Variants in RBFOX2 observed in about 807,000 individuals in gnomAD.
The protein encoded by RBFOX2 is RNA binding fox-1 homolog 2, also known as RNA binding protein fox-1 homolog 2.
In RBFOX2, 10 loss-of-function variants were observed where a neutral mutation model predicts 49.1. The observed-to-expected ratio is 0.20, with a 90% confidence interval of 0.13 to 0.35. The LOEUF is 0.35. Among genes scored for constraint, RBFOX2 ranks in the 10% least tolerant of loss-of-function variants. The pLI, the probability that RBFOX2 is intolerant of heterozygous loss-of-function variation, is 1.00. For synonymous variants in RBFOX2, 183 were observed against 187.4 expected (o/e 0.98, Z 0.19); for missense variants, 323 against 486.9 (o/e 0.66, Z 3.17).
chr22:35,756,955 A>T lies in RBFOX2; in HGVS notation c.887+2933T>A, dbSNP rs190601691. ...AAGGTGATTGGTCCAAGGTCCAAGA[A>T]TTGAAAGGTGCAGTGGGGATCCCAG... On this transcript the variant is annotated intron_variant, in intron 9 of 11. Transcript: ENST00000405409. 5.9e-5 allele frequency among the ~76,000 whole-genome samples: 9 copies of T among 152,278 alleles called. No homozygotes were observed. In the East Asian group the frequency reaches 1.4e-3, roughly 23 times the overall value.
chr22:35,875,030 A>G (rs2044842283), intron 1 of RBFOX2, among the ~76,000 whole-genome samples: 1 of 152,172 alleles, frequency 6.6e-6, no homozygotes, highest in Non-Finnish European at 1.5e-5. Context: ...CCCTATGCAC[A>G]AAGAAGAGGT....
At chr22:35,851,760 G>A (rs1471707815) in intron 1 of RBFOX2, among the ~76,000 whole-genome samples, 1 of 150,360 alleles carries the variant, frequency 6.7e-6, no homozygotes, top group Non-Finnish European at 1.5e-5. Context: ...CCCAGGAGGC[G>A]AAGGCTCACC....
exon 3 of RBFOX2, chr22:35,781,634 C>T: frequency 6.2e-7 from 1 of 1,614,068 alleles, no homozygotes; most frequent in Non-Finnish European, 8.5e-7. Context: ...GTCCCGGAAG[C>T]GGAAAGGAAT....
intron 2 of RBFOX2, among the ~76,000 whole-genome samples, chr22:35,799,096 G>A (rs1169745026): frequency 6.6e-6 from 1 of 152,086 alleles, no homozygotes; most frequent in African/African-American, 2.4e-5. Context: ...ACCAATAGAG[G>A]TGACAGAAAC....
intron 1 of RBFOX2, among the ~76,000 whole-genome samples, chr22:35,876,392 A>G (rs1452328340): frequency 6.6e-6 from 1 of 151,992 alleles, no homozygotes; most frequent in Non-Finnish European, 1.5e-5. Context: ...AGTGGTCTTT[A>G]TTTCTGAAAT....
intron 1 of RBFOX2, among the ~76,000 whole-genome samples, chr22:35,958,900 C>T (rs1012300758): frequency 1.3e-5 from 2 of 151,886 alleles, no homozygotes; most frequent in African/African-American, 4.8e-5. Flanking sequence ...ATCTTCTAGC[C>T]CTCTTAGATA....
intron 1 of RBFOX2, among the ~76,000 whole-genome samples, chr22:35,819,177 T>C (rs912727886): frequency 2.6e-5 from 4 of 152,130 alleles, no homozygotes; most frequent in Non-Finnish European, 4.4e-5. Context: ...TGCCTGGTAA[T>C]TGAATTAACC....
chr22:35,939,281 G>A, upstream of RBFOX2: 3 of 469,446 alleles, frequency 6.4e-6, no homozygotes, highest in South Asian at 4.7e-5. Context: ...CTAAACACTA[G>A]GATAACCAAA....
chr22:35,998,177 A>G (rs750750317), intron 1 of RBFOX2: 2 of 152,110 alleles, frequency 1.3e-5, no homozygotes, highest in Admixed American at 1.3e-4. Flanking sequence ...TATATTATAT[A>G]TAGTTTTATC....
At chr22:35,956,207 A>C (rs1255900333) in intron 1 of RBFOX2, among the ~76,000 whole-genome samples, 1 of 152,192 alleles carries the variant, frequency 6.6e-6, no homozygotes, top group African/African-American at 2.4e-5. Context: ...CACTAATATC[A>C]CCACCAATCT....
At chr22:35,948,252 G>A (rs2054535085) in intron 1 of RBFOX2, among the ~76,000 whole-genome samples, 2 of 152,104 alleles carry the variant, frequency 1.3e-5, no homozygotes, top group Non-Finnish European at 2.9e-5. Flanking sequence ...GCTTCATACA[G>A]CCAGATAGTC....
intron 1 of RBFOX2, among the ~76,000 whole-genome samples, chr22:35,989,829 T>C (rs2057892846): frequency 6.6e-6 from 1 of 152,082 alleles, no homozygotes; most frequent in African/African-American, 2.4e-5. Flanking sequence ...AAAGGAAATG[T>C]AGGACAATGA....
chr22:35,885,843 ATTTTTTT>A (rs538674450), intron 1 of RBFOX2, among the ~76,000 whole-genome samples: 26 of 83,144 alleles, frequency 3.1e-4, no homozygotes, highest in African/African-American at 9.1e-4. Flanking sequence ...CCCAAACCTA[ATTTTTTT>A]TTTTTTTTTT....
chr22:35,943,613 T>C (rs2053933219), upstream of RBFOX2, among the ~76,000 whole-genome samples: 1 of 152,136 alleles, frequency 6.6e-6, no homozygotes, highest in African/African-American at 2.4e-5. Context: ...AAACCCCAAC[T>C]GCTGGCCAGG....
In RBFOX2 at chr22:35,749,505, TCTTA is replaced by T. The variant is rs1934085803; in HGVS notation, c.888-2948_888-2945del. Among the ~76,000 whole-genome samples, 1 of 152,042 alleles carries T rather than the reference TCTTA, an allele frequency of 6.6e-6. No individual in the cohort carries two copies. Among genetic ancestry groups the T allele is most frequent in the Admixed American group, 6.6e-5 (1 of 15,254 alleles). ...TCATGGATGTATTCCTCTCTCTCTC[TCTTA>T]CACACACACACGCACACACACACAT... On this transcript the variant is annotated intron_variant, in intron 9 of 11. Transcript: ENST00000405409. This position sits in a 1 kb window ranked among gnomAD's most constrained non-coding sequence, Gnocchi z 4.1.
chr22:36,021,515 T>TA (rs757474309), intron 1 of RBFOX2, among the ~76,000 whole-genome samples: 62 of 142,874 alleles, frequency 4.3e-4, no homozygotes, highest in Middle Eastern at 3.7e-3. Context: ...CAAATGCTAC[T>TA]AAAAAAAAAA....
chr22:35,974,961 T>C (rs2057070398), intron 1 of RBFOX2, among the ~76,000 whole-genome samples: 1 of 152,152 alleles, frequency 6.6e-6, no homozygotes, highest in Non-Finnish European at 1.5e-5. Context: ...CTGATCAGTC[T>C]CTCGAAAGCA....
At chr22:35,765,627 A>G (rs1940705503) in intron 5 of RBFOX2, 144 bp from the exon 7 acceptor site, 2 of 416,502 alleles carry the variant, frequency 4.8e-6, no homozygotes, top group Non-Finnish European at 8.6e-6. Flanking sequence ...AGCAATATAA[A>G]ATATTAATAT....
chr22:35,759,728 ATTTTGTT>A lies in RBFOX2; in HGVS notation c.887+153_887+159del, dbSNP rs1199122575. 6.6e-6 allele frequency among the ~76,000 whole-genome samples: 1 copy of A among 152,114 alleles called. No individual in the cohort carries two copies. The highest frequency in any genetic ancestry group is 2.4e-5 in the African/African-American group (1 of 41,422). ...GTTTGTCACATTCTGATGATGGTAT[ATTTTGTT>A]TTTTGTCATCTAATCTGTTAATTTG... is the stretch of plus-strand genomic sequence containing the variant. On this transcript the variant is annotated intron_variant, in intron 9 of 11. Coordinates refer to ENST00000405409, the Ensembl canonical transcript of RBFOX2. The surrounding 1 kb of genome is among the most constrained non-coding windows in gnomAD (Gnocchi z 4.6).
Sources: gnomAD v4.1 joint callset for allele counts (sites outside exome capture counted in the v4.1 genomes callset) on GRCh38, gnomAD v4.1.1 for gene constraint, Gnocchi (gnomAD v3.1) non-coding constraint, MANE v1.5 for transcripts, NCBI Gene and HGNC (gene_info 2026-07-23, HGNC 2026-07-21) for gene names.